Variants in MFGE8 observed in about 807,000 individuals in gnomAD.
MFGE8 encodes lactadherin.
Under a neutral mutation model 42.6 loss-of-function variants are expected in MFGE8, and 34 were observed. That is an observed-to-expected ratio of 0.80 (90% CI 0.61 to 1.06). The LOEUF is 1.06. Among genes scored for constraint, MFGE8 ranks in the 50% least tolerant of loss-of-function variants. The pLI is 0.00. For missense variants in MFGE8, 510 were observed against 516.9 expected (o/e 0.99, Z 0.13); for synonymous variants, 230 against 214.8 (o/e 1.07, Z -0.62).
Position 88,905,613 on chromosome 15 carries a change from G to C in MFGE8, c.685+144C>G. 9.1e-7 allele frequency: 1 copy of C among 1,099,978 alleles called. No homozygotes were observed. Among genetic ancestry groups the C allele is most frequent in the South Asian group, 1.3e-5 (1 of 76,362 alleles). The allele number at this position is 1,099,978 out of a possible 1,614,324, so 68.1% of individuals were successfully genotyped here. ...GCTGCTATGGCCAGGTGACCCCCTA[G>C]AGTGCGTTGCCCGAGTGAAGCCTGG... On this transcript the variant is annotated intron_variant, in intron 5 of 7. Transcript: ENST00000268150. The surrounding 1 kb of genome is among the most constrained non-coding windows in gnomAD (Gnocchi z 6.6).
At position 88,901,347 on chromosome 15, in the gene MFGE8, A is replaced by C. The variant is rs550140579; in HGVS notation, c.870+204T>G. Reference sequence around the variant, plus strand: ...CACACACACACACATACACACACACACCCTTTCTCCACCTTGGTGGAAGCA... The same window carrying C: ...CACACACACACACATACACACACACCCCCTTTCTCCACCTTGGTGGAAGCA... On this transcript the variant is annotated intron_variant, in intron 6 of 7. Transcript: ENST00000268150. Among the ~76,000 whole-genome samples the C allele has an allele frequency of 3.4e-3, 523 of 152,166 alleles. 21 individuals are homozygous for C. The South Asian group carries it at 0.088, about 26-fold the overall frequency.
At chr15:88,911,922 T>A (rs1898976791) in intron 1 of MFGE8, among the ~76,000 whole-genome samples, 1 of 152,048 alleles carries the variant, frequency 6.6e-6, no homozygotes, top group Non-Finnish European at 1.5e-5. Flanking sequence ...CCCAAGGAGC[T>A]ATTAGTCATT....
At chr15:88,911,398 A>C (rs942835432) in intron 1 of MFGE8, among the ~76,000 whole-genome samples, 3 of 152,184 alleles carry the variant, frequency 2.0e-5, no homozygotes, top group African/African-American at 4.8e-5. Flanking sequence ...CCCTACACCC[A>C]AATCTGTCAT....
In MFGE8 at chr15:88,906,896, A is replaced by T. The variant is rs552422045; in HGVS notation, c.388-118T>A. On this transcript the variant is annotated intron_variant, in intron 3 of 7. Coordinates refer to ENST00000268150, the MANE Select transcript of MFGE8 (RefSeq NM_005928.4). This position sits in a 1 kb window ranked among gnomAD's most constrained non-coding sequence, Gnocchi z 4.2. ...TGGGGGAACAACTCAAGCAAAACAG[A>T]GGAGGGGTAGCTGAGCACACTGCCC... The T allele has an allele frequency of 6.2e-5, 80 of 1,299,044 alleles. No homozygotes were observed. In the African/African-American group the frequency reaches 1.1e-3, roughly 18 times the overall value. 80.5% of individuals were successfully genotyped at this position (1,299,044 alleles called of 1,614,324 possible).
chr15:88,909,217 G>A lies in MFGE8; in HGVS notation c.205+575C>T, dbSNP rs189317684. Among the ~76,000 whole-genome samples the A allele has an allele frequency of 1.9e-3, 292 of 152,298 alleles. 5 individuals carry two copies. In the South Asian group the frequency reaches 0.049, roughly 26 times the overall value. ...GTGGATAACCAGGCAGGTCACACGCGGACAGCCCCTCTGGGCATGCAAGGC... is the reference window on the plus strand; with the variant it reads ...GTGGATAACCAGGCAGGTCACACGCAGACAGCCCCTCTGGGCATGCAAGGC... On this transcript the variant is annotated intron_variant, in intron 2 of 7. Transcript: ENST00000268150.
At position 88,906,459 on chromosome 15, in the gene MFGE8, T is replaced by C. The variant is rs1014260412; in HGVS notation, c.540+167A>G. On this transcript the variant is annotated intron_variant, in intron 4 of 7. Transcript: ENST00000268150. This position sits in a 1 kb window ranked among gnomAD's most constrained non-coding sequence, Gnocchi z 4.2. Reference sequence around the variant, plus strand: ...ACTATTGCTTATAAACCACAGAACATGGACACAGTCTGGGTTTCCCAATTT... The same window carrying C: ...ACTATTGCTTATAAACCACAGAACACGGACACAGTCTGGGTTTCCCAATTT... 35 of 751,278 alleles carry C rather than the reference T, an allele frequency of 4.7e-5. No individual in the cohort carries two copies. The African/African-American group carries it at 5.0e-4, about 11-fold the overall frequency. The allele number at this position is 751,278 out of a possible 1,614,324, so 46.5% of individuals were successfully genotyped here.
At position 88,906,312 on chromosome 15, in the gene MFGE8, A is replaced by C. The variant is rs1050746659; in HGVS notation, c.540+314T>G. 6.5e-6 allele frequency: 3 copies of C among 464,794 alleles called. No individual in the cohort carries two copies. Among genetic ancestry groups the C allele is most frequent in the Non-Finnish European group, 1.2e-5 (3 of 251,944 alleles). The allele number at this position is 464,794 out of a possible 1,614,324, so 28.8% of individuals were successfully genotyped here. ...GCAATGACATCCTTGAGCAGTGTACAACCTACACAACTGTACATGTACCCA... is the reference window on the plus strand; with the variant it reads ...GCAATGACATCCTTGAGCAGTGTACCACCTACACAACTGTACATGTACCCA... On this transcript the variant is annotated intron_variant, in intron 4 of 7. Coordinates refer to ENST00000268150, the MANE Select transcript of MFGE8 (RefSeq NM_005928.4). The surrounding 1 kb of genome is among the most constrained non-coding windows in gnomAD (Gnocchi z 4.2).
At chr15:88,901,924 C>A in intron 5 of MFGE8, 189 bp from the exon 6 acceptor site, 1 of 632,830 alleles carries the variant, frequency 1.6e-6, no homozygotes, top group Non-Finnish European at 2.9e-6. Flanking sequence ...ACCCCACCAC[C>A]TCCTCACCTC....
At position 88,901,534 on chromosome 15, in the gene MFGE8, CA is replaced by C; in HGVS notation, c.870+16del. The stretch of plus-strand genomic sequence containing the variant: ...CCCACCCAACCCCAGCCCCATATCC[CA>C]AGAAGGCTGACCCACCTGCAGCCAC... On this transcript the variant is annotated intron_variant, in intron 6 of 7. Transcript: ENST00000268150. 6.2e-7 allele frequency: 1 copy of C among 1,605,242 alleles called. No individual in the cohort carries two copies. The highest frequency in any genetic ancestry group is 8.5e-7 in the Non-Finnish European group (1 of 1,173,338).
rs1206228686 is a variant in MFGE8 at position 88,907,188 on chromosome 15, G to A, written c.387+7C>T. 1.2e-6 allele frequency: 2 copies of A among 1,611,832 alleles called. No individual in the cohort carries two copies. The highest frequency in any genetic ancestry group is 2.2e-5 in the East Asian group (1 of 44,778). ...TTGCCCCGCCCCAGGGCCATCCCCA[G>A]GCATACCTGGATCCAGGGGTTATCG... On this transcript the variant is annotated splice_region_variant and intron_variant, in intron 3 of 7. Transcript: ENST00000268150.
chr15:88,906,345 T>G lies in MFGE8; in HGVS notation c.540+281A>C, dbSNP rs1298983103. The G allele has an allele frequency of 4.1e-5, 20 of 492,124 alleles. No homozygotes were observed. The East Asian group carries it at 7.7e-4, about 19-fold the overall frequency. 30.5% of individuals were successfully genotyped at this position (492,124 alleles called of 1,614,324 possible). A position where few individuals can be genotyped will look rare whatever the true frequency, so the allele number is the denominator to read the frequency against. On this transcript the variant is annotated intron_variant, in intron 4 of 7. Transcript: ENST00000268150. This position sits in a 1 kb window ranked among gnomAD's most constrained non-coding sequence, Gnocchi z 4.2. Reference sequence around the variant, plus strand: ...CAACTGTACATGTACCCATGAAGGCTCAGAATGAAACCCAGCTCCACCACC... The same window carrying G: ...CAACTGTACATGTACCCATGAAGGCGCAGAATGAAACCCAGCTCCACCACC...
At chr15:88,912,840 G>T in intron 1 of MFGE8, 1 of 985,442 alleles carries the variant, frequency 1.0e-6, no homozygotes, top group South Asian at 4.7e-5. Context: ...AGATGGCCAG[G>T]ACAAAGTTAT....
rs1315457711 is a variant in MFGE8, at chr15:88,900,848, C to T, written c.870+703G>A. On this transcript the variant is annotated intron_variant, in intron 6 of 7. Transcript: ENST00000268150. ...GTATGCTGTGCTCAAGGGAGAGGTC[C>T]CAAGATGCCTGGGTCATGTCTCCCT... The T allele has an allele frequency of 7.2e-6, 5 of 696,266 alleles. No individual in the cohort carries two copies. The African/African-American group carries it at 7.8e-5, about 11-fold the overall frequency. The allele number at this position is 696,266 out of a possible 1,614,324, so 43.1% of individuals were successfully genotyped here. A position where few individuals can be genotyped will look rare whatever the true frequency, so the allele number is the denominator to read the frequency against.
At position 88,906,010 on chromosome 15, in the gene MFGE8, A is replaced by T; in HGVS notation, c.541-109T>A. 2.2e-6 allele frequency: 3 copies of T among 1,347,456 alleles called. No individual in the cohort carries two copies. In the South Asian group the frequency reaches 3.6e-5, roughly 16 times the overall value. The allele number at this position is 1,347,456 out of a possible 1,614,324, so 83.5% of individuals were successfully genotyped here. On this transcript the variant is annotated intron_variant, in intron 4 of 7. Transcript: ENST00000268150. This position sits in a 1 kb window ranked among gnomAD's most constrained non-coding sequence, Gnocchi z 4.2. ...CCTGGGAGGCAGAGGTGGGGCTGGG[A>T]GGGTGAAGAGGACTTGGAAGAGCCA...
In MFGE8 at chr15:88,907,305, C is replaced by A; in HGVS notation, c.277G>T (p.Val93Leu). The A allele has an allele frequency of 1.9e-6, 3 of 1,614,198 alleles. No individual in the cohort carries two copies. Among genetic ancestry groups the A allele is most frequent in the Non-Finnish European group, 2.5e-6 (3 of 1,180,028 alleles). The change falls in exon 3 of 8, where the codon GTG becomes TTG. Residue 93 changes from valine (V) to leucine (L), a missense_variant. Val to Leu is a conservative substitution (Grantham distance 32). Transcript: ENST00000268150. ...NSQIAASSVR[V>L]TFLGLQHWVP... ...CAATGCTGCAAACCCAAGAAGGTCA[C>A]ACGCACAGACGAGGCGGCGATCTGT... is the stretch of plus-strand genomic sequence containing the variant.
chr15:88,898,959 G>C lies in MFGE8; in HGVS notation c.*436C>G. The C allele has an allele frequency of 3.9e-6, 1 of 259,242 alleles. No homozygotes were observed. The highest frequency in any genetic ancestry group is 7.6e-6 in the Non-Finnish European group (1 of 131,240). 16.1% of individuals were successfully genotyped at this position (259,242 alleles called of 1,614,324 possible). ...ACCCCAGGGCCGACGCAGGGCCGACGGGCAAGAGGCTGTTATCTCCAGCCT... is the reference window on the plus strand; with the variant it reads ...ACCCCAGGGCCGACGCAGGGCCGACCGGCAAGAGGCTGTTATCTCCAGCCT... On this transcript the variant is annotated 3_prime_UTR_variant, in exon 8 of 8. Transcript: ENST00000268150.
chr15:88,913,321 C>A lies in MFGE8; in HGVS notation c.-2G>T. 4 of 1,441,224 alleles carry A rather than the reference C, an allele frequency of 2.8e-6. No homozygotes were observed. The highest frequency in any genetic ancestry group is 3.6e-6 in the Non-Finnish European group (4 of 1,108,738). The allele number at this position is 1,441,224 out of a possible 1,614,324, so 89.3% of individuals were successfully genotyped here. On this transcript the variant is annotated 5_prime_UTR_variant, in exon 1 of 8. Transcript: ENST00000268150. ...GGCCAGCAGGCGGGGGCGCGGCATG[C>A]TGCGGGGACGCGGGCGCTGGAATGG...
In MFGE8 at chr15:88,913,263, G is replaced by T. The variant is rs945305601; in HGVS notation, c.57C>A (p.Ser19Arg). 1.9e-5 allele frequency: 29 copies of T among 1,504,916 alleles called. No homozygotes were observed. The highest frequency in any genetic ancestry group is 7.4e-5 in the South Asian group (6 of 80,782). The allele number at this position is 1,504,916 out of a possible 1,614,324, so 93.2% of individuals were successfully genotyped here. ...ALCGALLCAP[S>R]LLVALDICSK... ...TCCACTCACCCAGGGCGACGAGGAG[G>T]CTGGGGGCGCAGAGCAGCGCGCCGC... The change falls in exon 1 of 8, where the codon AGC becomes AGA. Residue 19 changes from serine (S) to arginine (R), a missense_variant. Coordinates refer to ENST00000268150, the MANE Select transcript of MFGE8 (RefSeq NM_005928.4).
intron 5 of MFGE8, chr15:88,904,812 CAG>C (rs1898590361): frequency 6.6e-6 from 1 of 152,474 alleles, no homozygotes; most frequent in Non-Finnish European, 1.5e-5. Context: ...AGAGGTGTCA[CAG>C]AGGGGAAAGG....
Sources: allele counts gnomAD v4.1 joint callset (sites outside exome capture counted in the v4.1 genomes callset), GRCh38; gene constraint gnomAD v4.1.1; non-coding constraint Gnocchi (gnomAD v3.1); transcripts MANE v1.5; gene names NCBI Gene and HGNC (gene_info 2026-07-23, HGNC 2026-07-21).